Variants in CACNA2D1 observed in about 807,000 individuals in gnomAD.
The protein encoded by CACNA2D1 is voltage-dependent calcium channel subunit alpha-2/delta-1.
CACNA2D1 carries 53 observed loss-of-function variants against 171.5 expected under a neutral mutation model. That is an observed-to-expected ratio of 0.31 (90% CI 0.25 to 0.39). CACNA2D1 has a LOEUF of 0.39. CACNA2D1 is among the 10% of genes least tolerant of loss of function. The pLI, the probability that CACNA2D1 is intolerant of heterozygous loss-of-function variation, is 1.00. For synonymous variants in CACNA2D1, 442 were observed against 443.1 expected (o/e 1.00, Z 0.03); for missense variants, 903 against 1,299.8 (o/e 0.69, Z 4.69).
intron 3 of CACNA2D1, among the ~76,000 whole-genome samples, chr7:82,273,907 C>T (rs1440457429): frequency 6.6e-6 from 1 of 152,116 alleles, no homozygotes. Context: ...TTCTACTTTG[C>T]ACTTACCCAT....
intron 4 of CACNA2D1, among the ~76,000 whole-genome samples, chr7:82,141,258 C>G (rs1792348561): frequency 1.3e-5 from 2 of 151,944 alleles, no homozygotes; most frequent in South Asian, 2.1e-4. Flanking sequence ...AAGGACAATT[C>G]TTAGGAATAA....
rs137942715 is a variant in CACNA2D1, at chr7:82,431,072, C to T, written c.95+12293G>A. Among the ~76,000 whole-genome samples the T allele has an allele frequency of 1.5e-3, 231 of 152,238 alleles. 1 individual carries two copies. Among genetic ancestry groups the T allele is most frequent in the African/African-American group, 5.3e-3 (220 of 41,532 alleles). ...TCTCTTTTAGGACACTGGTTTTGTC[C>T]TTAACCTAGGGATGGAACAGTTCAC... On this transcript the variant is annotated intron_variant, in intron 1 of 38. Coordinates refer to ENST00000356860, the MANE Select transcript of CACNA2D1 (RefSeq NM_000722.4).
At chr7:82,177,795 A>C (rs370512620) in intron 3 of CACNA2D1, among the ~76,000 whole-genome samples, 5 of 152,248 alleles carry the variant, frequency 3.3e-5, no homozygotes, top group Middle Eastern at 3.4e-3. Context: ...CAACTTAACC[A>C]AAGACATGTT....
chr7:82,067,350 C>T (rs564346132), intron 7 of CACNA2D1, among the ~76,000 whole-genome samples: 7 of 152,098 alleles, frequency 4.6e-5, no homozygotes, highest in Non-Finnish European at 8.8e-5. Flanking sequence ...GACTCCTGGG[C>T]AAATGCCTAG....
intron 4 of CACNA2D1, among the ~76,000 whole-genome samples, chr7:82,155,632 T>A (rs991353699): frequency 3.3e-5 from 5 of 152,164 alleles, no homozygotes; most frequent in African/African-American, 1.2e-4. Context: ...TTTTTGCTAT[T>A]AGCAAACAGA....
At chr7:82,140,206 A>G (rs1037914691) in intron 4 of CACNA2D1, among the ~76,000 whole-genome samples, 1 of 152,190 alleles carries the variant, frequency 6.6e-6, no homozygotes, top group Non-Finnish European at 1.5e-5. Context: ...ATGAGAAAGC[A>G]CTTACTCAAA....
chr7:82,061,789 G>A (rs1391231910), intron 9 of CACNA2D1, among the ~76,000 whole-genome samples: 1 of 152,170 alleles, frequency 6.6e-6, no homozygotes, highest in Non-Finnish European at 1.5e-5. Context: ...GCTGCTAACT[G>A]GTTGAAGATG....
intron 3 of CACNA2D1, among the ~76,000 whole-genome samples, chr7:82,205,970 TA>T (rs1454915293): frequency 6.6e-6 from 1 of 152,074 alleles, no homozygotes; most frequent in Non-Finnish European, 1.5e-5. Flanking sequence ...ACTAGTTAAT[TA>T]AAAGTTAAAG....
At position 82,114,221 on chromosome 7, in the gene CACNA2D1, A is replaced by C. The variant is rs201697282; in HGVS notation, c.526+2823T>G. 3.2e-4 allele frequency among the ~76,000 whole-genome samples: 48 copies of C among 152,258 alleles called. No homozygotes were observed. The East Asian group carries it at 8.7e-3, about 28-fold the overall frequency. On this transcript the variant is annotated intron_variant, in intron 6 of 38. Coordinates refer to ENST00000356860, the MANE Select transcript of CACNA2D1 (RefSeq NM_000722.4). Reference sequence around the variant, plus strand: ...AAATTTTTTAAAAATTTACGTTCAAATTTGTGAGTCAGATTTCATATTTGT... The same window carrying C: ...AAATTTTTTAAAAATTTACGTTCAACTTTGTGAGTCAGATTTCATATTTGT...
intron 24 of CACNA2D1, among the ~76,000 whole-genome samples, chr7:81,976,260 T>C (rs1562807082): frequency 1.3e-5 from 2 of 151,520 alleles, no homozygotes; most frequent in Admixed American, 6.6e-5. Flanking sequence ...TGAAATTTAG[T>C]TTTTTCTAAT....
At position 82,370,187 on chromosome 7, in the gene CACNA2D1, T is replaced by C. The variant is rs868024025; in HGVS notation, c.96-20538A>G. Among the ~76,000 whole-genome samples the C allele has an allele frequency of 1.1e-4, 17 of 152,150 alleles. No homozygotes were observed. The Middle Eastern group carries it at 0.01, about 91-fold the overall frequency. On this transcript the variant is annotated intron_variant, in intron 1 of 38. Transcript: ENST00000356860. ...ATGCTATTACAGAACTCATAGTTAA[T>C]GTACTAGGACAAGAAAATAAATACA...
At chr7:82,020,693 G>T (rs1056900044) in intron 12 of CACNA2D1, 1 of 151,920 alleles carries the variant, frequency 6.6e-6, no homozygotes. Context: ...AGCAAATTTG[G>T]TGAGCTTTAT....
intron 3 of CACNA2D1, among the ~76,000 whole-genome samples, chr7:82,189,219 A>G (rs1267298967): frequency 6.6e-6 from 1 of 152,028 alleles, no homozygotes; most frequent in Non-Finnish European, 1.5e-5. Context: ...TGTCAACACT[A>G]TGATGAAAAT....
At chr7:82,236,560 A>G (rs1386772241) in intron 3 of CACNA2D1, among the ~76,000 whole-genome samples, 1 of 152,100 alleles carries the variant, frequency 6.6e-6, no homozygotes, top group Admixed American at 6.6e-5. Flanking sequence ...TAAATGTGAC[A>G]TTCATAATTT....
At chr7:82,018,476 T>A (rs2130994787) in intron 12 of CACNA2D1, among the ~76,000 whole-genome samples, 2 of 152,278 alleles carry the variant, frequency 1.3e-5, no homozygotes, top group South Asian at 4.1e-4. Flanking sequence ...TTCACTATAC[T>A]TACATCATCA....
At chr7:81,985,792 C>G (rs1584295260) in intron 21 of CACNA2D1, among the ~76,000 whole-genome samples, 1 of 152,232 alleles carries the variant, frequency 6.6e-6, no homozygotes, top group East Asian at 1.9e-4. Context: ...AGCCACGGCG[C>G]TACTCTAGTC....
intron 1 of CACNA2D1, among the ~76,000 whole-genome samples, chr7:82,398,025 G>A (rs551761281): frequency 1.3e-5 from 2 of 152,306 alleles, no homozygotes; most frequent in African/African-American, 4.8e-5. Context: ...TGAAGAGAGT[G>A]GCTAAGAATG....
intron 3 of CACNA2D1, among the ~76,000 whole-genome samples, chr7:82,221,774 C>CAA (rs34604173): frequency 0.26 from 32,422 of 125,000 alleles, 4,575 homozygotes; most frequent in East Asian, 0.48. Context: ...TCACTGTTAC[C>CAA]AAAAAAAAAA....
intron 5 of CACNA2D1, among the ~76,000 whole-genome samples, chr7:82,120,422 A>G (rs973704890): frequency 2.6e-5 from 4 of 152,186 alleles, no homozygotes; most frequent in South Asian, 4.1e-4. Flanking sequence ...TATCCTCAAT[A>G]TCAATTTTGG....
Sources: gnomAD v4.1 joint callset for allele counts (sites outside exome capture counted in the v4.1 genomes callset) on GRCh38, gnomAD v4.1.1 for gene constraint, MANE v1.5 for transcripts, NCBI Gene and HGNC (gene_info 2026-07-23, HGNC 2026-07-21) for gene names.